Variants in INTS3 observed in about 807,000 individuals in gnomAD.
INTS3 encodes integrator complex subunit 3.
INTS3 carries 34 observed loss-of-function variants against 146.3 expected under a neutral mutation model. The ratio of observed to expected loss-of-function variants is 0.23; its 90% CI spans 0.18 to 0.31. INTS3 has a LOEUF of 0.31. Among genes scored for constraint, INTS3 ranks in the 10% least tolerant of loss-of-function variants. The pLI is 1.00. For missense variants in INTS3, 757 were observed against 1,304.2 expected (o/e 0.58, Z 6.46); for synonymous variants, 475 against 494.9 (o/e 0.96, Z 0.53).
intron 3 of INTS3, among the ~76,000 whole-genome samples, chr1:153,741,949 A>G (rs565427029): frequency 1.1e-4 from 16 of 152,188 alleles, no homozygotes; most frequent in Non-Finnish European, 2.1e-4. Flanking sequence ...GAACGGTTCA[A>G]GTAGGTTCCC....
intron 3 of INTS3, among the ~76,000 whole-genome samples, chr1:153,745,280 C>T (rs1302360311): frequency 6.6e-6 from 1 of 151,784 alleles, no homozygotes; most frequent in Admixed American, 6.6e-5. Context: ...CCTCAGCCTC[C>T]CTTGTAGTTG....
Position 153,773,344 on chromosome 1 carries a change from TGAG to T in INTS3, c.*78_*80del. On this transcript the variant is annotated 3_prime_UTR_variant, in exon 30 of 30. Transcript: ENST00000318967. ...TGGTGATTCAAAGGTTAATAGAGGC[TGAG>T]GAGATTGCAGGGGAAACACCCTTGC... 1 of 1,366,262 alleles carries T rather than the reference TGAG, an allele frequency of 7.3e-7. No homozygotes were observed. The highest frequency in any genetic ancestry group is 1.0e-6 in the Non-Finnish European group (1 of 955,082). The allele number at this position is 1,366,262 out of a possible 1,614,324, so 84.6% of individuals were successfully genotyped here.
rs1472699738 is a variant in INTS3 at position 153,757,849 on chromosome 1, C to T, written c.1149+86C>T. 9 of 1,148,048 alleles carry T rather than the reference C, an allele frequency of 7.8e-6. No homozygotes were observed. The highest frequency in any genetic ancestry group is 1.2e-5 in the Non-Finnish European group (9 of 778,338). The allele number at this position is 1,148,048 out of a possible 1,614,324, so 71.1% of individuals were successfully genotyped here. A position where few individuals can be genotyped will look rare whatever the true frequency, so the allele number is the denominator to read the frequency against. ...ATTCTTCTTCCTGACTCCAGGGCCA[C>T]TTGACCCCTAAGGGCCCTTCTTTCA... On this transcript the variant is annotated intron_variant, in intron 10 of 29. Transcript: ENST00000318967. The surrounding 1 kb of genome is among the most constrained non-coding windows in gnomAD (Gnocchi z 4.0).
At chr1:153,731,217 G>A (rs1671047473) in intron 1 of INTS3, among the ~76,000 whole-genome samples, 1 of 152,172 alleles carries the variant, frequency 6.6e-6, no homozygotes. Context: ...ACTAGTTAGA[G>A]TAGTGAAGAG....
At chr1:153,754,440 G>C (rs955931659) in intron 8 of INTS3, among the ~76,000 whole-genome samples, 1 of 152,168 alleles carries the variant, frequency 6.6e-6, no homozygotes, top group African/African-American at 2.4e-5. Context: ...GCTGGGTCCT[G>C]GGGATAGTGG....
intron 25 of INTS3, 60 bp downstream of exon 25, chr1:153,770,793 G>T: frequency 7.5e-7 from 1 of 1,339,374 alleles, no homozygotes; most frequent in South Asian, 1.2e-5. Flanking sequence ...AGCTGCTGTG[G>T]TCTAAAGGGC....
At position 153,769,828 on chromosome 1, in the gene INTS3, A is replaced by G; in HGVS notation, c.2373A>G (p.Ser791=). The part of the protein sequence containing the change: ...MGNLVMFRKD[S]VLNILIQSLD... ...ACCTGGTTATGTTTCGAAAAGACTC[A>G]GTTCTCAACATACTCAGTAAGTGAT... Residue 791 remains serine, a synonymous_variant, in exon 23 of 30, where the codon TCA becomes TCG. Coordinates refer to ENST00000318967, the MANE Select transcript of INTS3 (RefSeq NM_023015.5). 1 of 1,610,722 alleles carries G rather than the reference A, an allele frequency of 6.2e-7. No individual in the cohort carries two copies. Among genetic ancestry groups the G allele is most frequent in the South Asian group, 1.1e-5 (1 of 90,984 alleles).
At chr1:153,756,645 G>A (rs931356368) in intron 9 of INTS3, among the ~76,000 whole-genome samples, 1 of 151,598 alleles carries the variant, frequency 6.6e-6, no homozygotes, top group Non-Finnish European at 1.5e-5. Flanking sequence ...GTGAAACCCC[G>A]TCTCTACTAA....
At chr1:153,744,685 G>A (rs1671659288) in intron 3 of INTS3, among the ~76,000 whole-genome samples, 1 of 152,216 alleles carries the variant, frequency 6.6e-6, no homozygotes, top group Admixed American at 6.5e-5. Context: ...AGTCTCTCAA[G>A]GCTAGAGAGC....
chr1:153,747,407 C>T (rs1362814263), intron 5 of INTS3, 44 bp downstream of exon 5: 3 of 1,394,800 alleles, frequency 2.2e-6, no homozygotes, highest in Non-Finnish European at 3.1e-6. Context: ...GAGGAGAGCC[C>T]AGAGACTACA....
rs1361838668 is a variant in INTS3, at chr1:153,770,560, T to C, written c.2504-125T>C. The C allele has an allele frequency of 4.8e-6, 4 of 831,974 alleles. No individual in the cohort carries two copies. In the African/African-American group the frequency reaches 6.8e-5, roughly 14 times the overall value. The allele number at this position is 831,974 out of a possible 1,614,324, so 51.5% of individuals were successfully genotyped here. On this transcript the variant is annotated intron_variant, in intron 24 of 29. Coordinates refer to ENST00000318967, the MANE Select transcript of INTS3 (RefSeq NM_023015.5). Reference sequence around the variant, plus strand: ...CTGATAGGAGTGGGGTAGGGGATTCTTCCTGGCTCCTCATCAAAGACTGTC... The same window carrying C: ...CTGATAGGAGTGGGGTAGGGGATTCCTCCTGGCTCCTCATCAAAGACTGTC...
chr1:153,749,034 T>C (rs979729161), intron 6 of INTS3, among the ~76,000 whole-genome samples: 4 of 152,132 alleles, frequency 2.6e-5, no homozygotes, highest in African/African-American at 9.7e-5. Flanking sequence ...CTCCTTGGAA[T>C]GTTTATCTTA....
intron 3 of INTS3, among the ~76,000 whole-genome samples, chr1:153,744,250 C>T (rs748640413): frequency 6.6e-6 from 1 of 152,214 alleles, no homozygotes; most frequent in Non-Finnish European, 1.5e-5. Context: ...CTGCTGTCTT[C>T]ATCTGACCCT....
In INTS3 at chr1:153,731,577, C is replaced by CTTTTTTTTTTTTTTTTTTTTTT. The variant is rs1491428244; in HGVS notation, c.150+2794_150+2795insTTTTTTTTTTTTTTTTTTTTTT. On this transcript the variant is annotated intron_variant, in intron 1 of 29. Coordinates refer to ENST00000318967, the MANE Select transcript of INTS3 (RefSeq NM_023015.5). ...TGAAAGTGGGAGGCCCAAGAGCGTC[C>CTTTTTTTTTTTTTTTTTTTTTT]TCTTTTTTTTTTTTTTTTTTTTTGA... Among the ~76,000 whole-genome samples the CTTTTTTTTTTTTTTTTTTTTTT allele has an allele frequency of 7.7e-5, 10 of 129,228 alleles. 5 individuals carry two copies. The highest frequency in any genetic ancestry group is 6.5e-5 in the Non-Finnish European group (4 of 61,472). The allele number at this position is 129,228 out of a possible 152,430, so 84.8% of individuals were successfully genotyped here. A position where few individuals can be genotyped will look rare whatever the true frequency, so the allele number is the denominator to read the frequency against.
chr1:153,750,929 A>T, intron 6 of INTS3, 166 bp from the exon 7 acceptor site: 1 of 604,976 alleles, frequency 1.7e-6, no homozygotes, highest in Non-Finnish European at 2.8e-6. Context: ...TTGATAGTCC[A>T]AGATAGATAC....
intron 7 of INTS3, 103 bp downstream of exon 7, chr1:153,751,342 G>T: frequency 8.6e-7 from 1 of 1,166,176 alleles, no homozygotes; most frequent in Non-Finnish European, 1.2e-6. Context: ...AGAGATGAAG[G>T]TGCATCAAGA....
intron 24 of INTS3, 83 bp from the exon 25 acceptor site, chr1:153,770,602 G>T: frequency 1.8e-6 from 2 of 1,133,220 alleles, no homozygotes; most frequent in Non-Finnish European, 2.7e-6. Flanking sequence ...CCCTCCAGTG[G>T]CTGTTGGGGG....
intron 2 of INTS3, 100 bp from the exon 3 acceptor site, chr1:153,741,185 G>T: frequency 1.2e-6 from 1 of 825,340 alleles, no homozygotes; most frequent in Middle Eastern, 2.3e-4. Context: ...ATTCTCCTTT[G>T]CATCTTCCTT....
intron 21 of INTS3, among the ~76,000 whole-genome samples, 191 bp downstream of exon 21, chr1:153,768,018 C>T (rs60827720): frequency 0.14 from 21,588 of 152,158 alleles, 2,817 homozygotes; most frequent in African/African-American, 0.35. Context: ...TTCTAAAACT[C>T]CCTGAATTCC....
Sources: gnomAD v4.1 joint callset for allele counts (sites outside exome capture counted in the v4.1 genomes callset) on GRCh38, gnomAD v4.1.1 for gene constraint, Gnocchi (gnomAD v3.1) non-coding constraint, MANE v1.5 for transcripts, NCBI Gene and HGNC (gene_info 2026-07-23, HGNC 2026-07-21) for gene names.